POC1A: variants seen among roughly 807,000 people sequenced by gnomAD.
POC1A encodes the protein POC1 centriolar protein A, also known as POC1 centriolar protein homolog A.
In POC1A, 34 loss-of-function variants were observed where a neutral mutation model predicts 47.8. That is an observed-to-expected ratio of 0.71 (90% CI 0.54 to 0.95). The LOEUF (loss-of-function observed/expected upper bound fraction) is 0.95, where lower values mean the gene tolerates loss of function less well. Among genes scored for constraint, POC1A ranks in the 40% least tolerant of loss-of-function variants. POC1A has a pLI of 0.00. For missense variants in POC1A, 466 were observed against 528.3 expected (o/e 0.88, Z 1.16); for synonymous variants, 177 against 207.6 (o/e 0.85, Z 1.27).
chr3:52,138,388 G>A (rs1698060010), intron 6 of POC1A, 86 bp from the exon 7 acceptor site: 1 of 1,414,688 alleles, frequency 7.1e-7, no homozygotes, highest in Non-Finnish European at 9.7e-7. Context: ...GGCCAATCGA[G>A]GCTCAGCACA....
In POC1A at chr3:52,096,559, T is replaced by C. The variant is rs775841070; in HGVS notation, c.1125+10A>G. 13 of 1,546,712 alleles carry C rather than the reference T, an allele frequency of 8.4e-6. No homozygotes were observed. In the South Asian group the frequency reaches 1.6e-4, roughly 19 times the overall value. On this transcript the variant is annotated intron_variant, in intron 10 of 10. Coordinates refer to ENST00000296484, the MANE Select transcript of POC1A (RefSeq NM_015426.5). ...GACGGGATGACGGGTGAACCCACAGTGTGGCCTACCTGAGTGAGGACATCC... is the reference window on the plus strand; with the variant it reads ...GACGGGATGACGGGTGAACCCACAGCGTGGCCTACCTGAGTGAGGACATCC...
At chr3:52,118,971 T>A (rs989179518) in intron 9 of POC1A, among the ~76,000 whole-genome samples, 1 of 151,392 alleles carries the variant, frequency 6.6e-6, no homozygotes, top group Non-Finnish European at 1.5e-5. Flanking sequence ...AATTTTTAAG[T>A]GAAGAAAACC....
At chr3:52,082,629 T>C (rs1031879747) in intron 10 of POC1A, among the ~76,000 whole-genome samples, 10 of 152,168 alleles carry the variant, frequency 6.6e-5, no homozygotes, top group African/African-American at 1.9e-4. Flanking sequence ...CGAGTGTGCC[T>C]TCTCTCACTC....
chr3:52,132,627 G>C (rs1704261353), intron 7 of POC1A, among the ~76,000 whole-genome samples: 1 of 152,130 alleles, frequency 6.6e-6, no homozygotes, highest in African/African-American at 2.4e-5. Flanking sequence ...TTATCACCCA[G>C]AGTCCCCAAG....
At chr3:52,151,123 T>C (rs1187418404) in intron 1 of POC1A, 23 bp from the exon 2 acceptor site, 1 of 1,613,006 alleles carries the variant, frequency 6.2e-7, no homozygotes, top group South Asian at 1.1e-5. Context: ...CAGGGTCAAA[T>C]GTGTGAAGCC....
chr3:52,132,871 C>G (rs1228804019), intron 7 of POC1A, among the ~76,000 whole-genome samples: 2 of 151,962 alleles, frequency 1.3e-5, no homozygotes, highest in African/African-American at 2.4e-5. Flanking sequence ...ATGGTGAAAC[C>G]CTGTCTCTAC....
intron 1 of POC1A, among the ~76,000 whole-genome samples, chr3:52,153,510 C>T (rs1295522620): frequency 1.3e-5 from 2 of 152,230 alleles, no homozygotes; most frequent in African/African-American, 4.8e-5. Flanking sequence ...GGGGAGGGTC[C>T]CCAACAGAGC....
intron 10 of POC1A, among the ~76,000 whole-genome samples, chr3:52,078,350 G>A (rs1194587030): frequency 6.6e-6 from 1 of 151,448 alleles, no homozygotes; most frequent in Non-Finnish European, 1.5e-5. Flanking sequence ...AATGCTGTCT[G>A]GCACTCTTTG....
At chr3:52,138,435 G>T in intron 6 of POC1A, 133 bp from the exon 7 acceptor site, 1 of 888,780 alleles carries the variant, frequency 1.1e-6, no homozygotes, top group East Asian at 2.7e-5. Flanking sequence ...TCATTGCTCA[G>T]AAGAGCTGTG....
Position 52,079,778 on chromosome 3 carries a change from G to A in POC1A, c.1126-3793C>T, listed in dbSNP as rs575889314. On this transcript the variant is annotated intron_variant, in intron 10 of 10. Transcript: ENST00000296484. The surrounding 1 kb of genome is among the most constrained non-coding windows in gnomAD (Gnocchi z 4.6). ...GCTAGAGGGGCAGCCTGGGCAAAGT[G>A]GCCAGGAAAGATGGCCCATCTCCCA... Among the ~76,000 whole-genome samples, 10 of 152,318 alleles carry A rather than the reference G, an allele frequency of 6.6e-5. No individual in the cohort carries two copies. The highest frequency in any genetic ancestry group is 4.1e-4 in the South Asian group (2 of 4,832).
chr3:52,081,485 TG>T (rs1327650926), intron 10 of POC1A, among the ~76,000 whole-genome samples: 1 of 151,890 alleles, frequency 6.6e-6, no homozygotes, highest in East Asian at 1.9e-4. Flanking sequence ...GCATAGACAG[TG>T]GGCTGCACTG....
intron 9 of POC1A, among the ~76,000 whole-genome samples, chr3:52,121,216 A>T (rs1703768316): frequency 6.6e-6 from 1 of 152,228 alleles, no homozygotes; most frequent in Non-Finnish European, 1.5e-5. Context: ...AGAGGGATTC[A>T]CAGGAAAGAG....
chr3:52,080,299 G>C (rs547876304), intron 10 of POC1A, among the ~76,000 whole-genome samples: 67 of 152,218 alleles, frequency 4.4e-4, no homozygotes, highest in African/African-American at 1.6e-3. Context: ...CAAAGGAGAG[G>C]CCTGCTGGTG....
intron 9 of POC1A, among the ~76,000 whole-genome samples, chr3:52,118,841 G>A (rs903379649): frequency 4.6e-5 from 7 of 152,182 alleles, no homozygotes; most frequent in Non-Finnish European, 7.3e-5. Flanking sequence ...TTGGGGCATG[G>A]CTATGGTGCC....
intron 9 of POC1A, among the ~76,000 whole-genome samples, chr3:52,118,751 A>G (rs2107074827): frequency 6.6e-6 from 1 of 152,348 alleles, no homozygotes; most frequent in Non-Finnish European, 1.5e-5. Flanking sequence ...GCCCAGGAGT[A>G]TTTCACAAGG....
chr3:52,149,765 T>C lies in POC1A; in HGVS notation c.275+51A>G, dbSNP rs184281370. The stretch of plus-strand genomic sequence containing the variant: ...TAGGGGACCTGGGTGGGGATGGCTC[T>C]GGCACCAGGGCCCCAGACTCCAACA... On this transcript the variant is annotated intron_variant, in intron 3 of 10. Transcript: ENST00000296484. 796 of 1,564,854 alleles carry C rather than the reference T, an allele frequency of 5.1e-4. 3 individuals carry two copies. The African/African-American group carries it at 9.5e-3, about 19-fold the overall frequency.
chr3:52,151,159 G>C (rs1577931434), intron 1 of POC1A, 59 bp from the exon 2 acceptor site: 1 of 1,609,086 alleles, frequency 6.2e-7, no homozygotes, highest in East Asian at 2.2e-5. Flanking sequence ...CTTCCCCAGG[G>C]CCAGCACTCT....
chr3:52,089,457 A>AG (rs1354790147), intron 10 of POC1A, among the ~76,000 whole-genome samples: 2 of 152,188 alleles, frequency 1.3e-5, no homozygotes, highest in African/African-American at 4.8e-5. Flanking sequence ...AAAGAAGTTC[A>AG]GGTTGTCCTG....
intron 9 of POC1A, among the ~76,000 whole-genome samples, chr3:52,119,375 T>C (rs1187260154): frequency 6.6e-6 from 1 of 152,008 alleles, no homozygotes; most frequent in Admixed American, 6.5e-5. Context: ...CAGAGGGACA[T>C]TTGGCAGCAT....
Sources: gnomAD v4.1 joint callset for allele counts (sites outside exome capture counted in the v4.1 genomes callset) on GRCh38, gnomAD v4.1.1 for gene constraint, Gnocchi (gnomAD v3.1) non-coding constraint, MANE v1.5 for transcripts, NCBI Gene and HGNC (gene_info 2026-07-23, HGNC 2026-07-21) for gene names.